The following SNTG1 variants were observed in gnomAD, a reference collection of about 807,000 sequenced individuals.
The protein encoded by SNTG1 is gamma-1-syntrophin.
Under a neutral mutation model 74.7 loss-of-function variants are expected in SNTG1, and 39 were observed. The observed-to-expected ratio is 0.52, with a 90% confidence interval of 0.40 to 0.68. The LOEUF (loss-of-function observed/expected upper bound fraction) is 0.68, where lower values mean the gene tolerates loss of function less well. SNTG1 is among the 30% of genes least tolerant of loss of function. The pLI, the probability that SNTG1 is intolerant of heterozygous loss-of-function variation, is 0.00. For missense variants in SNTG1, 685 were observed against 609.5 expected (o/e 1.12, Z -1.30); for synonymous variants, 254 against 217.1 (o/e 1.17, Z -1.49).
intron 13 of SNTG1, among the ~76,000 whole-genome samples, chr8:50,637,189 C>T (rs906059826): frequency 6.6e-6 from 1 of 152,074 alleles, no homozygotes; most frequent in Non-Finnish European, 1.5e-5. Context: ...TTTTAATTTA[C>T]TAAAATTATC....
At chr8:50,402,083 C>T (rs2092813058) in intron 3 of SNTG1, 127 bp from the exon 4 acceptor site, 2 of 889,234 alleles carry the variant, frequency 2.2e-6, no homozygotes, top group Non-Finnish European at 1.7e-6. Flanking sequence ...ATTTCAGGCT[C>T]ATCAGAGTGT....
intron 8 of SNTG1, among the ~76,000 whole-genome samples, chr8:50,469,964 A>G (rs1388493983): frequency 6.6e-6 from 1 of 152,120 alleles, no homozygotes; most frequent in Non-Finnish European, 1.5e-5. Flanking sequence ...GGCAAGAGAG[A>G]GGCTGTCTCA....
At chr8:50,627,933 C>T (rs888586887) in intron 13 of SNTG1, among the ~76,000 whole-genome samples, 3 of 152,066 alleles carry the variant, frequency 2.0e-5, no homozygotes, top group African/African-American at 7.2e-5. Flanking sequence ...ACATTATTGG[C>T]CATTAATGAT....
intron 8 of SNTG1, among the ~76,000 whole-genome samples, chr8:50,466,300 A>G (rs767956458): frequency 5.3e-5 from 8 of 152,060 alleles, no homozygotes; most frequent in Non-Finnish European, 1.2e-4. Flanking sequence ...ATTTGTCAAA[A>G]TCTTACCAAT....
At chr8:50,216,134 C>G (rs1350619583) in intron 2 of SNTG1, among the ~76,000 whole-genome samples, 1 of 152,118 alleles carries the variant, frequency 6.6e-6, no homozygotes, top group Non-Finnish European at 1.5e-5. Context: ...AATGGGTCAG[C>G]TGATTTGGCT....
rs185347632 is a variant in SNTG1 at position 50,349,943 on chromosome 8, G to A, written c.-27-44269G>A. Reference sequence around the variant, plus strand: ...GTGAGAGGCGCGAGCCGGAACCAGGGCTGCACCGCGTGCTTATGGGCCAGC... The same window carrying A: ...GTGAGAGGCGCGAGCCGGAACCAGGACTGCACCGCGTGCTTATGGGCCAGC... On this transcript the variant is annotated intron_variant, in intron 2 of 18. Transcript: ENST00000642720. 6.0e-3 allele frequency among the ~76,000 whole-genome samples: 914 copies of A among 152,290 alleles called. 7 individuals are homozygous for A. The highest frequency in any genetic ancestry group is 0.021 in the African/African-American group (856 of 41,568).
intron 2 of SNTG1, among the ~76,000 whole-genome samples, chr8:50,294,093 T>C (rs1345111548): frequency 6.6e-6 from 1 of 152,176 alleles, no homozygotes; most frequent in South Asian, 2.1e-4. Context: ...ACATGTCTAC[T>C]TTCTCTTCTA....
intron 2 of SNTG1, among the ~76,000 whole-genome samples, chr8:50,194,986 G>A (rs1249376017): frequency 6.6e-6 from 1 of 152,030 alleles, no homozygotes; most frequent in Non-Finnish European, 1.5e-5. Context: ...ACAGGCGGTG[G>A]GCAGGGCCCT....
chr8:50,533,669 G>A (rs1270191013), intron 10 of SNTG1, among the ~76,000 whole-genome samples: 4 of 152,248 alleles, frequency 2.6e-5, no homozygotes, highest in African/African-American at 4.8e-5. Context: ...GTGTTCCACT[G>A]TAAATAACAG....
At chr8:50,520,805 C>T (rs556010234) in intron 9 of SNTG1, among the ~76,000 whole-genome samples, 28 of 152,160 alleles carry the variant, frequency 1.8e-4, no homozygotes, top group Admixed American at 7.9e-4. Flanking sequence ...GAAATAGGAA[C>T]GCTTTTACAC....
intron 1 of SNTG1, among the ~76,000 whole-genome samples, chr8:49,997,484 C>A (rs1233224811): frequency 6.6e-6 from 1 of 152,112 alleles, no homozygotes; most frequent in Non-Finnish European, 1.5e-5. Context: ...TCCTTCCCTC[C>A]TTTATTTCAC....
At chr8:50,553,658 T>C (rs1044597868) in intron 12 of SNTG1, among the ~76,000 whole-genome samples, 24 of 152,172 alleles carry the variant, frequency 1.6e-4, no homozygotes, top group Non-Finnish European at 2.8e-4. Flanking sequence ...TTATTAGAAA[T>C]GGCTTCTCTG....
At chr8:50,170,899 C>G (rs564603279) in intron 1 of SNTG1, among the ~76,000 whole-genome samples, 2 of 152,294 alleles carry the variant, frequency 1.3e-5, no homozygotes, top group East Asian at 3.9e-4. Context: ...CACAGGGCAG[C>G]CTCCCTCTTC....
At chr8:50,509,382 T>A (rs1477171156) in intron 9 of SNTG1, among the ~76,000 whole-genome samples, 1 of 152,224 alleles carries the variant, frequency 6.6e-6, no homozygotes, top group African/African-American at 2.4e-5. Flanking sequence ...TGGCTTAGGA[T>A]TGACTTGGCG....
intron 12 of SNTG1, among the ~76,000 whole-genome samples, chr8:50,558,416 CCT>C (rs1563574182): frequency 6.6e-6 from 1 of 152,128 alleles, no homozygotes; most frequent in African/African-American, 2.4e-5. Context: ...TTTGTCTTGA[CCT>C]CAAGTCCATG....
chr8:50,589,271 AC>A (rs2094675470), intron 12 of SNTG1, among the ~76,000 whole-genome samples: 1 of 152,208 alleles, frequency 6.6e-6, no homozygotes, highest in Non-Finnish European at 1.5e-5. Context: ...ACTAACAAAA[AC>A]AAAAAATTAT....
intron 1 of SNTG1, among the ~76,000 whole-genome samples, chr8:50,055,015 A>G (rs1819905583): frequency 6.6e-6 from 1 of 152,052 alleles, no homozygotes; most frequent in African/African-American, 2.4e-5. Context: ...TCTCTCACTC[A>G]TATGGCTGAA....
chr8:50,671,449 A>G (rs958033571), intron 15 of SNTG1, among the ~76,000 whole-genome samples: 186 of 152,130 alleles, frequency 1.2e-3, no homozygotes, highest in African/African-American at 4.2e-3. Flanking sequence ...AAAAATGCTC[A>G]TCATCACTGG....
intron 1 of SNTG1, among the ~76,000 whole-genome samples, chr8:49,942,670 A>G (rs1309333014): frequency 1.3e-5 from 2 of 152,178 alleles, no homozygotes; most frequent in African/African-American, 2.4e-5. Context: ...CATAATTGTC[A>G]GATATTCTAT....
Sources: gnomAD v4.1 joint callset for allele counts (sites outside exome capture counted in the v4.1 genomes callset) on GRCh38, gnomAD v4.1.1 for gene constraint, MANE v1.5 for transcripts, NCBI Gene and HGNC (gene_info 2026-07-23, HGNC 2026-07-21) for gene names.